The following CEP164 variants were observed in gnomAD, a reference collection of about 807,000 sequenced individuals.
The protein encoded by CEP164 is centrosomal protein of 164 kDa.
CEP164 carries 162 observed loss-of-function variants against 182.7 expected under a neutral mutation model. That is an observed-to-expected ratio of 0.89 (90% CI 0.78 to 1.01). CEP164 has a LOEUF of 1.01. Ranked by LOEUF, CEP164 falls within the 50% of genes least tolerant of loss-of-function variation. The pLI, the probability that CEP164 is intolerant of heterozygous loss-of-function variation, is 0.00. For synonymous variants in CEP164, 661 were observed against 690.0 expected, an observed-to-expected ratio of 0.96 and a Z score of 0.66; for missense variants, 1,735 against 1,790.4, an observed-to-expected ratio of 0.97 and a Z score of 0.56.
rs148395938 is a variant in CEP164 at position 117,350,277 on chromosome 11, A to G, written c.195-1513A>G. Among the ~76,000 whole-genome samples, 1,200 of 151,570 alleles carry G rather than the reference A, an allele frequency of 7.9e-3. 16 individuals carry two copies. Among genetic ancestry groups the G allele is most frequent in the African/African-American group, 0.028 (1,154 of 41,300 alleles). On this transcript the variant is annotated intron_variant, in intron 4 of 32. Transcript: ENST00000278935. Reference sequence around the variant, plus strand: ...GAGTGCAGTGGTGTGATCATAGCCCACTGTAGCCTTGAACTCCTGGGCTCA... The same window carrying G: ...GAGTGCAGTGGTGTGATCATAGCCCGCTGTAGCCTTGAACTCCTGGGCTCA...
chr11:117,396,124 T>C lies in CEP164; in HGVS notation c.3160T>C (p.Ser1054Pro). ...REVTVEENNA[S>P]PHFEPDLHIE... is the part of the protein sequence containing the mutation. The stretch of plus-strand genomic sequence containing the variant: ...AGTGACAGTTGAGGAAAATAATGCT[T>C]CCCCACATTTTGAGCCAGATCTCCA... Residue 1054 changes from serine to proline, a missense_variant, in exon 25 of 33, where the codon TCC becomes CCC. Coordinates refer to ENST00000278935, the MANE Select transcript of CEP164 (RefSeq NM_014956.5). The C allele has an allele frequency of 1.3e-6, 2 of 1,496,336 alleles. No individual in the cohort carries two copies. Among genetic ancestry groups the C allele is most frequent in the Non-Finnish European group, 1.8e-6 (2 of 1,108,006 alleles). The allele number at this position is 1,496,336 out of a possible 1,614,324, so 92.7% of individuals were successfully genotyped here.
intron 14 of CEP164, chr11:117,385,347 C>T (rs1031661555): frequency 2.6e-5 from 4 of 152,268 alleles, no homozygotes; most frequent in African/African-American, 9.6e-5. Context: ...TGTCATGGAC[C>T]TTTCAGGCAT....
intron 26 of CEP164, 75 bp downstream of exon 26, chr11:117,396,686 TG>T: frequency 8.5e-7 from 1 of 1,174,830 alleles, no homozygotes. Context: ...ATCATAGAGC[TG>T]GGGTGAGCTG....
At chr11:117,385,015 A>G (rs924816522) in intron 14 of CEP164, 1 of 152,262 alleles carries the variant, frequency 6.6e-6, no homozygotes, top group African/African-American at 2.4e-5. Context: ...AGAAGAGGGT[A>G]AAAGAATCCA....
chr11:117,327,901 G>C lies in CEP164; in HGVS notation c.-101G>C, dbSNP rs545679371. 6.6e-6 allele frequency: 1 copy of C among 152,358 alleles called. No homozygotes were observed. The highest frequency in any genetic ancestry group is 1.5e-5 in the Non-Finnish European group (1 of 68,168). 9.4% of individuals were successfully genotyped at this position (152,358 alleles called of 1,614,324 possible). ...CCCGGCGTCCCTGGAAGCTGGGGGA[G>C]CGGGTGGGTGTTGGGTGGCGTTGGG... On this transcript the variant is annotated 5_prime_UTR_variant, in exon 1 of 33. Coordinates refer to ENST00000278935, the MANE Select transcript of CEP164 (RefSeq NM_014956.5).
intron 15 of CEP164, 33 bp from the exon 16 acceptor site, chr11:117,390,744 C>T (rs762677248): frequency 2.5e-6 from 4 of 1,612,788 alleles, no homozygotes; most frequent in Non-Finnish European, 2.5e-6. Flanking sequence ...TTTGTGGTTT[C>T]TCTGACAACC....
At chr11:117,381,238 C>T (rs1211470388) in intron 12 of CEP164, among the ~76,000 whole-genome samples, 2 of 152,206 alleles carry the variant, frequency 1.3e-5, no homozygotes, top group Non-Finnish European at 2.9e-5. Flanking sequence ...AGGGCTGCCA[C>T]CCTAGAAGGG....
chr11:117,400,399 T>A (rs1307992440), intron 27 of CEP164, among the ~76,000 whole-genome samples: 1 of 152,214 alleles, frequency 6.6e-6, no homozygotes, highest in African/African-American at 2.4e-5. Flanking sequence ...CCTTGTAGTA[T>A]CATTTGAAGT....
chr11:117,407,984 G>A lies in CEP164; in HGVS notation c.3561G>A (p.Lys1187=). Residue 1187 remains lysine (K), a synonymous_variant, in exon 28 of 33, where the codon AAG becomes AAA. Coordinates refer to ENST00000278935, the MANE Select transcript of CEP164 (RefSeq NM_014956.5). ...TGCGGAAAGGCCACAACCTGCTGAA[G>A]AAGAAAGAGGAGAAGCTGAATCAGT... The part of the protein sequence containing the change: ...SAMRKGHNLL[K]KKEEKLNQLE... 4 of 1,601,834 alleles carry A rather than the reference G, an allele frequency of 2.5e-6. No individual in the cohort carries two copies. In the South Asian group the frequency reaches 4.5e-5, roughly 18 times the overall value.
chr11:117,362,462 A>G lies in CEP164; in HGVS notation c.611A>G (p.Glu204Gly). 6.2e-7 allele frequency: 1 copy of G among 1,613,852 alleles called. No homozygotes were observed. The highest frequency in any genetic ancestry group is 8.5e-7 in the Non-Finnish European group (1 of 1,179,936). ...YTKGLLGSIY[E>G]DKTALSLLGL... ...AAGGGTCTCTTGGGCTCCATATATGAGGACAAGACTGCTCTCAGCCTCTTG... is the reference window on the plus strand; with the variant it reads ...AAGGGTCTCTTGGGCTCCATATATGGGGACAAGACTGCTCTCAGCCTCTTG... The change falls in exon 7 of 33, where the codon GAG (glutamate) becomes GGG (glycine). Residue 204 changes from glutamate (E) to glycine (G), a missense_variant. Coordinates refer to ENST00000278935, the MANE Select transcript of CEP164 (RefSeq NM_014956.5).
rs562263740 is a variant in CEP164 at position 117,395,626 on chromosome 11, G to T, written c.2993G>T (p.Arg998Leu). 2.0e-5 allele frequency: 32 copies of T among 1,613,824 alleles called. No individual in the cohort carries two copies. Among genetic ancestry groups the T allele is most frequent in the Non-Finnish European group, 2.7e-5 (32 of 1,180,026 alleles). The change falls in exon 24 of 33, where the codon CGA becomes CTA. Residue 998 changes from arginine to leucine, a missense_variant. Physicochemically the swap from Arg to Leu is moderately radical, Grantham distance 102. Transcript: ENST00000278935. ...CTGTTGCAGTCAAACCAGCAGCTCC[G>T]AGAAATTCTTGATGAGCTGCAGGCC... Reference protein sequence around the residue: ...THLLQSNQQLREILDELQARK... With the variant: ...THLLQSNQQLLEILDELQARK...
chr11:117,361,881 T>C lies in CEP164; in HGVS notation c.440T>C (p.Leu147Pro), dbSNP rs1285289383. ...LAPVHVPLGG[L>P]APLRGLVDTP... is the part of the protein sequence containing the mutation. ...CCAGTTCATGTTCCTCTTGGGGGCC[T>C]GGCTCCTTTACGAGGTCTTGTGGAT... Residue 147 changes from leucine to proline, a missense_variant, in exon 6 of 33, where the codon CTG (leucine) becomes CCG (proline). Physicochemically the swap from Leu to Pro is moderately conservative, Grantham distance 98. Coordinates refer to ENST00000278935, the MANE Select transcript of CEP164 (RefSeq NM_014956.5). 16 of 1,614,104 alleles carry C rather than the reference T, an allele frequency of 9.9e-6. No individual in the cohort carries two copies. Among genetic ancestry groups the C allele is most frequent in the Middle Eastern group, 1.6e-4 (1 of 6,084 alleles).
chr11:117,408,487 G>A (rs112447861), intron 28 of CEP164: 3 of 251,748 alleles, frequency 1.2e-5, no homozygotes, highest in African/African-American at 6.6e-5. Context: ...GGTGGTGGGG[G>A]TCTGTGTGGA....
At chr11:117,395,392 C>T (rs755028696) in intron 23 of CEP164, among the ~76,000 whole-genome samples, 155 bp from the exon 24 acceptor site, 3 of 152,184 alleles carry the variant, frequency 2.0e-5, no homozygotes, top group Non-Finnish European at 4.4e-5. Flanking sequence ...GGACAGGAGC[C>T]TGCAGACCTC....
intron 12 of CEP164, 34 bp downstream of exon 12, chr11:117,380,739 G>A: frequency 2.6e-6 from 4 of 1,557,828 alleles, no homozygotes; most frequent in Non-Finnish European, 2.6e-6. Flanking sequence ...CCAGCGCTGT[G>A]CCTTCAGGGT....
At position 117,412,430 on chromosome 11, in the gene CEP164, T is replaced by A. The variant is rs967386191; in HGVS notation, c.*262T>A. 6.9e-5 allele frequency: 24 copies of A among 347,368 alleles called. No individual in the cohort carries two copies. The highest frequency in any genetic ancestry group is 4.8e-4 in the African/African-American group (23 of 47,562). 21.5% of individuals were successfully genotyped at this position (347,368 alleles called of 1,614,324 possible). ...CTGATGGCGTGCGGTGGCTGCGGGG[T>A]ATCAGGGCCGGGAGCCCTTTGGGAG... On this transcript the variant is annotated 3_prime_UTR_variant, in exon 33 of 33. Transcript: ENST00000278935.
chr11:117,366,470 G>GA (rs1565498121), intron 8 of CEP164, among the ~76,000 whole-genome samples: 1 of 152,170 alleles, frequency 6.6e-6, no homozygotes, highest in East Asian at 1.9e-4. Flanking sequence ...ACTGAAGAGA[G>GA]AGAGGTTCAT....
At chr11:117,339,071 G>A (rs2037661219) in intron 3 of CEP164, among the ~76,000 whole-genome samples, 4 of 152,178 alleles carry the variant, frequency 2.6e-5, no homozygotes, top group African/African-American at 9.7e-5. Context: ...GCCTGCCTCC[G>A]GCTCCCAAAG....
rs2045507329 is a variant in CEP164 at position 117,396,626 on chromosome 11, C to A, written c.3278+15C>A. ...TACTTGGACAGGTGAGTTCCCATAGCCTGTCTTATTTGAGGTTAGGGTACC... is the reference window on the plus strand; with the variant it reads ...TACTTGGACAGGTGAGTTCCCATAGACTGTCTTATTTGAGGTTAGGGTACC... On this transcript the variant is annotated intron_variant, in intron 26 of 32. Coordinates refer to ENST00000278935, the MANE Select transcript of CEP164 (RefSeq NM_014956.5). The A allele has an allele frequency of 6.2e-7, 1 of 1,603,902 alleles. No individual in the cohort carries two copies. Among genetic ancestry groups the A allele is most frequent in the African/African-American group, 1.3e-5 (1 of 74,714 alleles).
Sources: gnomAD v4.1 joint callset for allele counts (sites outside exome capture counted in the v4.1 genomes callset) on GRCh38, gnomAD v4.1.1 for gene constraint, MANE v1.5 for transcripts, NCBI Gene and HGNC (gene_info 2026-07-23, HGNC 2026-07-21) for gene names.